Variants in POU6F2 observed in about 807,000 individuals in gnomAD.
POU6F2 encodes POU class 6 homeobox 2.
Under a neutral mutation model 71.3 loss-of-function variants are expected in POU6F2, and 31 were observed. That is an observed-to-expected ratio of 0.43 (90% confidence interval 0.33 to 0.59). The LOEUF (loss-of-function observed/expected upper bound fraction) is 0.59, where lower values mean the gene tolerates loss of function less well. Among genes scored for constraint, POU6F2 ranks in the 20% least tolerant of loss-of-function variants. The probability of loss-of-function intolerance (pLI) is 0.04; values close to 1 mark genes in which losing one functional copy is unlikely to be tolerated. For synonymous variants in POU6F2, 347 were observed against 355.7 expected, an observed-to-expected ratio of 0.98 and a Z score of 0.27; for missense variants, 783 against 856.8, an observed-to-expected ratio of 0.91 and a Z score of 1.07.
chr7:39,335,617 C>A lies in POU6F2; in HGVS notation c.599-4025C>A, dbSNP rs192204495. Among the ~76,000 whole-genome samples, 709 of 152,308 alleles carry A rather than the reference C, an allele frequency of 4.7e-3. 5 individuals carry two copies. The highest frequency in any genetic ancestry group is 0.016 in the African/African-American group (653 of 41,554). On this transcript the variant is annotated intron_variant, in intron 4 of 9. Coordinates refer to ENST00000518318, the MANE Select transcript of POU6F2 (RefSeq NM_001370959.1). ...GTGTAAACTTGGGAAGGTCACTTAA[C>A]CTTTCTGAGACTGAGTTCTATATGT... is the stretch of plus-strand genomic sequence containing the variant.
chr7:39,115,171 G>C (rs1446224575), intron 2 of POU6F2, among the ~76,000 whole-genome samples: 1 of 152,146 alleles, frequency 6.6e-6, no homozygotes, highest in Non-Finnish European at 1.5e-5. Flanking sequence ...CATACAGCCA[G>C]AGAAGAGAGC....
chr7:39,279,505 C>A (rs1244692987), intron 4 of POU6F2, among the ~76,000 whole-genome samples: 1 of 152,142 alleles, frequency 6.6e-6, no homozygotes, highest in Non-Finnish European at 1.5e-5. Context: ...AACTGGGTGG[C>A]CTAAAGCAAA....
chr7:39,307,048 G>A (rs749989957), intron 4 of POU6F2, among the ~76,000 whole-genome samples: 2 of 152,232 alleles, frequency 1.3e-5, no homozygotes, highest in Non-Finnish European at 2.9e-5. Flanking sequence ...GGATTGTTCA[G>A]ATGTCCAAGA....
At chr7:39,355,873 A>C (rs1786245412) in intron 5 of POU6F2, among the ~76,000 whole-genome samples, 1 of 152,174 alleles carries the variant, frequency 6.6e-6, no homozygotes, top group Non-Finnish European at 1.5e-5. Flanking sequence ...AGTGAAAGGG[A>C]AAGAGAAACA....
intron 7 of POU6F2, among the ~76,000 whole-genome samples, chr7:39,438,802 G>A (rs958383688): frequency 6.6e-6 from 1 of 152,214 alleles, no homozygotes; most frequent in African/African-American, 2.4e-5. Context: ...TAGAATAAGT[G>A]CCATGTGGCA....
At chr7:39,062,546 G>C (rs1355675910) in intron 1 of POU6F2, among the ~76,000 whole-genome samples, 6 of 150,942 alleles carry the variant, frequency 4.0e-5, no homozygotes, top group Non-Finnish European at 8.9e-5. Flanking sequence ...ACAGCACCTC[G>C]TGGGCCTGGC....
At chr7:39,055,070 A>G (rs1472421041) in intron 1 of POU6F2, among the ~76,000 whole-genome samples, 1 of 152,108 alleles carries the variant, frequency 6.6e-6, no homozygotes, top group Admixed American at 6.6e-5. Flanking sequence ...AAAGGGGCAA[A>G]AGCTGCTATC....
intron 4 of POU6F2, among the ~76,000 whole-genome samples, chr7:39,287,813 T>C: frequency 6.6e-6 from 1 of 152,218 alleles, no homozygotes; most frequent in Admixed American, 6.5e-5. Context: ...GCCTGCATTT[T>C]CTCAAGAATG....
In POU6F2 at chr7:39,016,083, T is replaced by C. The variant is rs1789536102; in HGVS notation, c.105+38025T>C. On this transcript the variant is annotated intron_variant, in intron 1 of 9. Coordinates refer to ENST00000518318, the MANE Select transcript of POU6F2 (RefSeq NM_001370959.1). ...ATATATAATATATAGATATATATTATATCTATATTATACATTATATATCTA... is the reference window on the plus strand; with the variant it reads ...ATATATAATATATAGATATATATTACATCTATATTATACATTATATATCTA... Among the ~76,000 whole-genome samples the C allele has an allele frequency of 1.7e-5, 2 of 114,404 alleles. 1 individual carries two copies. The highest frequency in any genetic ancestry group is 7.0e-5 in the African/African-American group (2 of 28,696). The allele number at this position is 114,404 out of a possible 152,430, so 75.1% of individuals were successfully genotyped here. A position where few individuals can be genotyped will look rare whatever the true frequency, so the allele number is the denominator to read the frequency against.
chr7:39,419,052 C>T (rs1787770951), intron 6 of POU6F2, among the ~76,000 whole-genome samples: 1 of 133,558 alleles, frequency 7.5e-6, no homozygotes, highest in Non-Finnish European at 1.6e-5. Context: ...TATATGTATA[C>T]ACATATATAC....
At chr7:39,213,580 A>C (rs1201618395) in intron 4 of POU6F2, among the ~76,000 whole-genome samples, 1 of 152,184 alleles carries the variant, frequency 6.6e-6, no homozygotes, top group Non-Finnish European at 1.5e-5. Flanking sequence ...CCAACCAGGT[A>C]ATCTGTTTTT....
intron 2 of POU6F2, among the ~76,000 whole-genome samples, chr7:39,199,125 A>G (rs1793843513): frequency 6.6e-6 from 1 of 152,218 alleles, no homozygotes; most frequent in African/African-American, 2.4e-5. Flanking sequence ...CAATTCATAA[A>G]AAATGCATTG....
intron 2 of POU6F2, among the ~76,000 whole-genome samples, chr7:39,087,663 T>C (rs537534529): frequency 1.3e-5 from 2 of 152,298 alleles, no homozygotes; most frequent in Non-Finnish European, 2.9e-5. Context: ...AGTAAGCACT[T>C]TGACTTTTAA....
rs1786067747 is a variant in POU6F2, at chr7:39,348,220, GA to G, written c.972+8207del. 1.9e-5 allele frequency among the ~76,000 whole-genome samples: 2 copies of G among 104,940 alleles called. 1 individual carries two copies. Among genetic ancestry groups the G allele is most frequent in the South Asian group, 5.6e-4 (2 of 3,578 alleles). The allele number at this position is 104,940 out of a possible 152,430, so 68.8% of individuals were successfully genotyped here. A position where few individuals can be genotyped will look rare whatever the true frequency, so the allele number is the denominator to read the frequency against. On this transcript the variant is annotated intron_variant, in intron 5 of 9. Coordinates refer to ENST00000518318, the MANE Select transcript of POU6F2 (RefSeq NM_001370959.1). Reference sequence around the variant, plus strand: ...TTGTGGTTTTTAGTATTTGGGTAAAGAAGAAGAATCTTGATGATCTCACTTC... The same window carrying G: ...TTGTGGTTTTTAGTATTTGGGTAAAGAGAAGAATCTTGATGATCTCACTTC...
chr7:39,029,872 T>C (rs1789899891), intron 1 of POU6F2, among the ~76,000 whole-genome samples: 1 of 152,148 alleles, frequency 6.6e-6, no homozygotes, highest in East Asian at 1.9e-4. Context: ...CACTCTTGTA[T>C]TTCTGGGTTA....
intron 2 of POU6F2, among the ~76,000 whole-genome samples, chr7:39,144,095 T>TC (rs1194568014): frequency 2.0e-5 from 3 of 152,296 alleles, no homozygotes; most frequent in African/African-American, 7.2e-5. Flanking sequence ...TAAAGTACCT[T>TC]TGAGGTGTCA....
intron 4 of POU6F2, among the ~76,000 whole-genome samples, chr7:39,211,277 A>G (rs1794138527): frequency 6.6e-6 from 1 of 152,172 alleles, no homozygotes; most frequent in Admixed American, 6.5e-5. Context: ...GACTCTTATG[A>G]CAATGGATGA....
chr7:39,409,840 G>A (rs1787515967), intron 6 of POU6F2, among the ~76,000 whole-genome samples: 1 of 152,128 alleles, frequency 6.6e-6, no homozygotes, highest in Non-Finnish European at 1.5e-5. Context: ...CTGGATATCA[G>A]TAAATTTAAA....
At position 39,327,267 on chromosome 7, in the gene POU6F2, A is replaced by G. The variant is rs1342943591; in HGVS notation, c.599-12375A>G. On this transcript the variant is annotated intron_variant, in intron 4 of 9. Transcript: ENST00000518318. ...GCACTCCAGCCTGGGTGACAGAGGG[A>G]GACTCTGTCTCAAAAAAAAAAAAAA... Among the ~76,000 whole-genome samples the G allele has an allele frequency of 3.5e-5, 5 of 144,760 alleles. 1 individual carries two copies. The highest frequency in any genetic ancestry group is 4.5e-4 in the South Asian group (2 of 4,494). 95.0% of individuals were successfully genotyped at this position (144,760 alleles called of 152,430 possible).
Sources: gnomAD v4.1 joint callset for allele counts (sites outside exome capture counted in the v4.1 genomes callset) on GRCh38, gnomAD v4.1.1 for gene constraint, MANE v1.5 for transcripts, NCBI Gene and HGNC (gene_info 2026-07-23, HGNC 2026-07-21) for gene names.